The following CNTN3 variants were observed in gnomAD, a reference collection of about 807,000 sequenced individuals.
CNTN3 encodes the protein contactin 3.
A neutral mutation model predicts 119.1 loss-of-function variants in CNTN3; 60 were observed. That is an observed-to-expected ratio of 0.50 (90% CI 0.41 to 0.62). The LOEUF is 0.62. Ranked by LOEUF, CNTN3 falls within the 20% of genes least tolerant of loss-of-function variation. The pLI is 0.00. For synonymous variants in CNTN3, 450 were observed against 438.7 expected (o/e 1.03, Z -0.32); for missense variants, 1,101 against 1,242.4 (o/e 0.89, Z 1.71).
At chr3:74,468,894 G>A (rs1331654198) in intron 4 of CNTN3, among the ~76,000 whole-genome samples, 1 of 152,050 alleles carries the variant, frequency 6.6e-6, no homozygotes, top group Non-Finnish European at 1.5e-5. Context: ...ACAAAAATAG[G>A]TTCCAAGCCT....
At chr3:74,338,945 T>C (rs914363019) in intron 11 of CNTN3, among the ~76,000 whole-genome samples, 1 of 152,090 alleles carries the variant, frequency 6.6e-6, no homozygotes, top group African/African-American at 2.4e-5. Context: ...AAGGTTGTAA[T>C]GCATTTTGTT....
intron 10 of CNTN3, among the ~76,000 whole-genome samples, chr3:74,362,705 G>T (rs951627306): frequency 2.0e-5 from 3 of 150,398 alleles, no homozygotes; most frequent in Non-Finnish European, 4.4e-5. Flanking sequence ...GGAATGAAAG[G>T]GTATGTTAAT....
At position 74,452,243 on chromosome 3, in the gene CNTN3, G is replaced by T. The variant is rs368047873; in HGVS notation, c.359-27303C>A. Among the ~76,000 whole-genome samples the T allele has an allele frequency of 5.0e-5, 7 of 141,186 alleles. No individual in the cohort carries two copies. The South Asian group carries it at 6.9e-4, about 14-fold the overall frequency. 92.6% of individuals were successfully genotyped at this position (141,186 alleles called of 152,430 possible). On this transcript the variant is annotated intron_variant, in intron 4 of 22. Transcript: ENST00000263665. ...AGAGGTCCTTCACGTCCCTTGTAAG[G>T]TGGATTCCTAGGTATTTTATTCTCT...
At chr3:74,525,323 T>C (rs955512186) in intron 1 of CNTN3, among the ~76,000 whole-genome samples, 1 of 151,920 alleles carries the variant, frequency 6.6e-6, no homozygotes, top group African/African-American at 2.4e-5. Context: ...TAAAAAGAGA[T>C]GTCATTCAGG....
rs1702146213 is a variant in CNTN3, at chr3:74,288,003, A to T, written c.2518-2512T>A. Among the ~76,000 whole-genome samples, 6 of 151,896 alleles carry T rather than the reference A, an allele frequency of 4.0e-5. No homozygotes were observed. In the South Asian group the frequency reaches 1.2e-3, roughly 32 times the overall value. On this transcript the variant is annotated intron_variant, in intron 19 of 22. Transcript: ENST00000263665. ...AGTATGCCTCAATTGTCTGTATCTTATTTTCCCATGTGCATTCAACTTGTG... is the reference window on the plus strand; with the variant it reads ...AGTATGCCTCAATTGTCTGTATCTTTTTTTCCCATGTGCATTCAACTTGTG...
chr3:74,443,730 T>C (rs1156242332), intron 4 of CNTN3, among the ~76,000 whole-genome samples: 1 of 152,144 alleles, frequency 6.6e-6, no homozygotes, highest in African/African-American at 2.4e-5. Flanking sequence ...TTAGGTGTTG[T>C]TTCCCCTAGG....
At chr3:74,371,172 G>A in intron 6 of CNTN3, 24 bp downstream of exon 6, 1 of 1,572,122 alleles carries the variant, frequency 6.4e-7, no homozygotes, top group Non-Finnish European at 8.8e-7. Flanking sequence ...ACGCTCAGAA[G>A]TGCACTTGGA....
At chr3:74,300,192 G>C (rs952873863) in intron 16 of CNTN3, among the ~76,000 whole-genome samples, 29 of 152,046 alleles carry the variant, frequency 1.9e-4, no homozygotes, top group African/African-American at 6.5e-4. Context: ...ACATGACCAA[G>C]TTGGAAGATA....
intron 1 of CNTN3, among the ~76,000 whole-genome samples, chr3:74,573,999 A>T (rs1005690071): frequency 1.3e-5 from 2 of 152,212 alleles, no homozygotes; most frequent in African/African-American, 4.8e-5. Context: ...GTACACAAAT[A>T]TTGAGAGCAG....
At chr3:74,421,338 T>G (rs2106890458) in intron 5 of CNTN3, among the ~76,000 whole-genome samples, 1 of 151,926 alleles carries the variant, frequency 6.6e-6, no homozygotes, top group East Asian at 2.0e-4. Context: ...TCAGCTAATT[T>G]TTTGTATTTT....
At chr3:74,470,909 C>T (rs1702549371) in intron 4 of CNTN3, among the ~76,000 whole-genome samples, 3 of 151,956 alleles carry the variant, frequency 2.0e-5, no homozygotes, top group African/African-American at 7.3e-5. Flanking sequence ...TGGAGTCTTG[C>T]TCTGTTGCCC....
chr3:74,390,898 C>T (rs1471108214), intron 5 of CNTN3, among the ~76,000 whole-genome samples: 1 of 152,094 alleles, frequency 6.6e-6, no homozygotes, highest in Non-Finnish European at 1.5e-5. Flanking sequence ...ATTAAAAAGG[C>T]ACTGTGTACT....
chr3:74,448,705 A>G (rs1473162529), intron 4 of CNTN3, among the ~76,000 whole-genome samples: 1 of 152,186 alleles, frequency 6.6e-6, no homozygotes, highest in African/African-American at 2.4e-5. Context: ...TGCTATTATT[A>G]TAAAGTATCA....
intron 1 of CNTN3, among the ~76,000 whole-genome samples, chr3:74,591,746 G>A (rs561104351): frequency 6.6e-6 from 1 of 151,924 alleles, no homozygotes; most frequent in African/African-American, 2.4e-5. Flanking sequence ...AATAGGAAAG[G>A]GTAAGGCAAG....
chr3:74,510,328 T>G (rs1703344289), intron 2 of CNTN3, among the ~76,000 whole-genome samples: 1 of 152,098 alleles, frequency 6.6e-6, no homozygotes, highest in Non-Finnish European at 1.5e-5. Flanking sequence ...ATGAAACATC[T>G]TCACTGTGTC....
At chr3:74,574,071 A>G (rs1490792422) in intron 1 of CNTN3, among the ~76,000 whole-genome samples, 1 of 152,210 alleles carries the variant, frequency 6.6e-6, no homozygotes, top group Non-Finnish European at 1.5e-5. Flanking sequence ...ATGAATGGAT[A>G]AACAAGATAT....
At chr3:74,541,890 G>T (rs1195582994) in intron 1 of CNTN3, among the ~76,000 whole-genome samples, 1 of 152,122 alleles carries the variant, frequency 6.6e-6, no homozygotes, top group Non-Finnish European at 1.5e-5. Context: ...TCACAAATTG[G>T]TTTTCAACTC....
At chr3:74,491,953 C>T (rs1702972612) in intron 3 of CNTN3, among the ~76,000 whole-genome samples, 1 of 152,114 alleles carries the variant, frequency 6.6e-6, no homozygotes, top group Non-Finnish European at 1.5e-5. Flanking sequence ...AGAAGACAAC[C>T]TCGTGTCTCT....
At chr3:74,280,003 TA>T (rs1232326792) in intron 20 of CNTN3, among the ~76,000 whole-genome samples, 1 of 152,074 alleles carries the variant, frequency 6.6e-6, no homozygotes, top group African/African-American at 2.4e-5. Context: ...TTATATAACT[TA>T]AAGAGTTTAA....
Sources: allele counts gnomAD v4.1 joint callset (sites outside exome capture counted in the v4.1 genomes callset), GRCh38; gene constraint gnomAD v4.1.1; transcripts MANE v1.5; gene names NCBI Gene and HGNC (gene_info 2026-07-23, HGNC 2026-07-21).